The following STAT2 variants were observed in gnomAD, a reference collection of about 807,000 sequenced individuals.
STAT2 encodes interferon alpha induced transcriptional activator.
STAT2 carries 51 observed loss-of-function variants against 122.3 expected under a neutral mutation model. The observed-to-expected ratio is 0.42, with a 90% CI of 0.33 to 0.53. The LOEUF (loss-of-function observed/expected upper bound fraction) is 0.53, where lower values mean the gene tolerates loss of function less well. Ranked by LOEUF, STAT2 falls within the 20% of genes least tolerant of loss-of-function variation. The probability of loss-of-function intolerance (pLI) is 0.10; values close to 1 mark genes in which losing one functional copy is unlikely to be tolerated. For synonymous variants in STAT2, 351 were observed against 394.9 expected (o/e 0.89, Z 1.32); for missense variants, 736 against 1,010.3 (o/e 0.73, Z 3.68).
intron 8 of STAT2, among the ~76,000 whole-genome samples, chr12:56,353,823 G>A (rs968740674): frequency 1.3e-5 from 2 of 149,484 alleles, no homozygotes; most frequent in African/African-American, 2.5e-5. Context: ...GAGAAACATC[G>A]TCTCTACTAA....
At position 56,345,524 on chromosome 12, in the gene STAT2, A is replaced by AATATAT. The variant is rs1555169411; in HGVS notation, c.2102+616_2102+621dup. ...AAAAAAAAAAAAAAAAAAAAAAAAA[A>AATATAT]ATATATATATATGCGGGGTGTGGTG... On this transcript the variant is annotated intron_variant, in intron 22 of 23. Coordinates refer to ENST00000314128, the MANE Select transcript of STAT2 (RefSeq NM_005419.4). Among the ~76,000 whole-genome samples, 36 of 26,248 alleles carry AATATAT rather than the reference A, an allele frequency of 1.4e-3. 7 individuals are homozygous for AATATAT. Among genetic ancestry groups the AATATAT allele is most frequent in the East Asian group, 4.6e-3 (2 of 432 alleles). The allele number at this position is 26,248 out of a possible 152,430, so 17.2% of individuals were successfully genotyped here.
chr12:56,354,008 A>AT (rs1555171442), intron 8 of STAT2, among the ~76,000 whole-genome samples: 1 of 19,824 alleles, frequency 5.0e-5, no homozygotes, highest in Non-Finnish European at 2.8e-4. Context: ...AAAAAAAAAA[A>AT]AAAAAAAAAT....
At chr12:56,346,066 A>C in intron 22 of STAT2, 80 bp downstream of exon 22, 1 of 1,610,128 alleles carries the variant, frequency 6.2e-7, no homozygotes, top group East Asian at 2.2e-5. Flanking sequence ...ACCCAGGAGA[A>C]GGTAATGCCC....
intron 21 of STAT2, 50 bp from the exon 22 acceptor site, chr12:56,346,253 T>G: frequency 6.2e-7 from 1 of 1,607,898 alleles, no homozygotes; most frequent in South Asian, 1.1e-5. Flanking sequence ...GCCAGACATA[T>G]AGCCTGAGGT....
At chr12:56,357,375 C>T (rs1184620757) in intron 1 of STAT2, among the ~76,000 whole-genome samples, 1 of 151,634 alleles carries the variant, frequency 6.6e-6, no homozygotes, top group Non-Finnish European at 1.5e-5. Flanking sequence ...GAGTCTCGAT[C>T]TGTTGCCCAG....
intron 6 of STAT2, 181 bp downstream of exon 6, chr12:56,355,095 T>TC: frequency 2.7e-6 from 2 of 746,328 alleles, no homozygotes. Flanking sequence ...TTACTGTCTC[T>TC]CAGCTGCACC....
chr12:56,355,732 CA>C lies in STAT2; in HGVS notation c.356del (p.Leu119Ter). 1 of 1,614,120 alleles carries C rather than the reference CA, an allele frequency of 6.2e-7. No homozygotes were observed. Among genetic ancestry groups the C allele is most frequent in the Non-Finnish European group, 8.5e-7 (1 of 1,180,040 alleles). ...CCAATTGGGCCCTCTGAGCCTGGATCAAAATTCTTTTTTCTTCCAGAAGGAG... is the reference window on the plus strand; with the variant it reads ...CCAATTGGGCCCTCTGAGCCTGGATCAAATTCTTTTTTCTTCCAGAAGGAG... ...FNLLLEEKRI[L>X]IQAQRAQLEQ... On this transcript the variant is annotated frameshift_variant, in exon 4 of 24. Coordinates refer to ENST00000314128, the MANE Select transcript of STAT2 (RefSeq NM_005419.4). LOFTEE classifies it high-confidence loss of function.
chr12:56,352,912 T>C (rs1324544611), intron 8 of STAT2, among the ~76,000 whole-genome samples: 2 of 151,938 alleles, frequency 1.3e-5, no homozygotes, highest in Non-Finnish European at 2.9e-5. Context: ...CTCCAACACC[T>C]GGGCTCAAGC....
At position 56,349,036 on chromosome 12, in the gene STAT2, G is replaced by A; in HGVS notation, c.1464C>T (p.Pro488=). 3 of 1,613,666 alleles carry A rather than the reference G, an allele frequency of 1.9e-6. No individual in the cohort carries two copies. The highest frequency in any genetic ancestry group is 1.7e-6 in the Non-Finnish European group (2 of 1,179,770). The part of the protein sequence containing the change: ...NLQNQQFFSN[P]PKAPWSLLGP... The stretch of plus-strand genomic sequence containing the variant: ...CCAGCAAGCTCCAGGGGGCCTTGGG[G>A]GGGTTGGAGAAGAACTGCTGGTTCT... Residue 488 remains proline, a synonymous_variant, in exon 17 of 24, where the codon CCC becomes CCT. Coordinates refer to ENST00000314128, the MANE Select transcript of STAT2 (RefSeq NM_005419.4).
rs1475926445 is a variant in STAT2, at chr12:56,342,774, G to A, written c.*615C>T. The A allele has an allele frequency of 6.6e-6, 1 of 152,212 alleles. No homozygotes were observed. Among genetic ancestry groups the A allele is most frequent in the Non-Finnish European group, 1.5e-5 (1 of 68,100 alleles). The allele number at this position is 152,212 out of a possible 1,614,324, so 9.4% of individuals were successfully genotyped here. On this transcript the variant is annotated 3_prime_UTR_variant, in exon 24 of 24. Coordinates refer to ENST00000314128, the MANE Select transcript of STAT2 (RefSeq NM_005419.4). ...CAGCCAGCTTAGGGGCAGAGTAGGG[G>A]AGGAGACTGGTAAGAAAAAGAGGTC...
chr12:56,351,457 G>A lies in STAT2; in HGVS notation c.783-7C>T, dbSNP rs1878462702. On this transcript the variant is annotated splice_polypyrimidine_tract_variant and splice_region_variant and intron_variant, in intron 8 of 23. Transcript: ENST00000314128. ...CTTTGCTCCAGCTGTGAACCTGGGT[G>A]ATAAAATTCAGGAAGAAGGAATCCA... is the stretch of plus-strand genomic sequence containing the variant. The A allele has an allele frequency of 1.9e-6, 3 of 1,610,808 alleles. No homozygotes were observed. Among genetic ancestry groups the A allele is most frequent in the Non-Finnish European group, 2.5e-6 (3 of 1,178,842 alleles).
chr12:56,351,086 T>C lies in STAT2; in HGVS notation c.1034+12A>G. 6.2e-7 allele frequency: 1 copy of C among 1,612,994 alleles called. No individual in the cohort carries two copies. The highest frequency in any genetic ancestry group is 2.2e-5 in the East Asian group (1 of 44,860). On this transcript the variant is annotated intron_variant, in intron 10 of 23. Transcript: ENST00000314128. ...GGAAAAAGGAAGTGGGAATGAGTTC[T>C]GGAATGCCAACCTTGTTCGGACGGT...
chr12:56,356,389 C>A, intron 2 of STAT2, 52 bp downstream of exon 2: 1 of 1,609,216 alleles, frequency 6.2e-7, no homozygotes. Flanking sequence ...TCCCGGGGGC[C>A]CAGAAGTAAG....
At chr12:56,351,737 C>T (rs985723495) in intron 8 of STAT2, among the ~76,000 whole-genome samples, 1 of 152,066 alleles carries the variant, frequency 6.6e-6, no homozygotes. Context: ...GCATTTAATC[C>T]TCAAAACAAC....
chr12:56,348,802 G>C lies in STAT2; in HGVS notation c.1579C>G (p.Gln527Glu). The change falls in exon 18 of 24, where the codon CAG becomes GAG. Residue 527 changes from glutamine (Q) to glutamate (E), a missense_variant and splice_region_variant. Transcript: ENST00000314128. Reference sequence around the variant, plus strand: ...AATGGATCCTCAGTCCTACAGTTCTGCCCTGTGGGACAGATAGCCACAGAC... The same window carrying C: ...AATGGATCCTCAGTCCTACAGTTCTCCCCTGTGGGACAGATAGCCACAGAC... ...LSMLRNKLFGQNCRTEDPLLS... is the reference protein window; with the variant it reads ...LSMLRNKLFGENCRTEDPLLS... The C allele has an allele frequency of 6.2e-7, 1 of 1,614,194 alleles. No individual in the cohort carries two copies. Among genetic ancestry groups the C allele is most frequent in the South Asian group, 1.1e-5 (1 of 91,084 alleles).
At chr12:56,348,142 C>T (rs1877815417) in intron 19 of STAT2, among the ~76,000 whole-genome samples, 1 of 139,618 alleles carries the variant, frequency 7.2e-6, no homozygotes, top group South Asian at 2.3e-4. Flanking sequence ...GGCTGGAGGG[C>T]AGTGACGCAA....
At chr12:56,359,777 G>T (rs1025553828) in intron 1 of STAT2, among the ~76,000 whole-genome samples, 7 of 152,198 alleles carry the variant, frequency 4.6e-5, no homozygotes. Flanking sequence ...AAAAAATAAT[G>T]CAGAGCAGAG....
Position 56,346,549 on chromosome 12 carries a change from C to T in STAT2, c.1937G>A (p.Arg646His), listed in dbSNP as rs762783105. 1.4e-5 allele frequency: 22 copies of T among 1,614,012 alleles called. No homozygotes were observed. In the South Asian group the frequency reaches 2.1e-4, roughly 15 times the overall value. ...CTCCTCAGTGAGCAACTGGTAATGG[C>T]GGATGATTTCAGTCAGCGGGAGTGA... ...LQSLPLTEII[R>H]HYQLLTEENI... The change falls in exon 21 of 24, where the codon CGC becomes CAC. Residue 646 changes from arginine to histidine, a missense_variant. Transcript: ENST00000314128.
At chr12:56,345,524 A>AAAAAATT (rs1555169410) in intron 22 of STAT2, among the ~76,000 whole-genome samples, 1 of 26,250 alleles carries the variant, frequency 3.8e-5, no homozygotes, top group African/African-American at 5.3e-4. Context: ...AAAAAAAAAA[A>AAAAAATT]ATATATATAT....
Sources: gnomAD v4.1 joint callset for allele counts (sites outside exome capture counted in the v4.1 genomes callset) on GRCh38, gnomAD v4.1.1 for gene constraint, MANE v1.5 for transcripts, NCBI Gene and HGNC (gene_info 2026-07-23, HGNC 2026-07-21) for gene names.